The following PACRG variants were observed in gnomAD, a reference collection of about 807,000 sequenced individuals.
PACRG encodes the protein parkin coregulated gene protein.
In PACRG, 29 loss-of-function variants were observed where a neutral mutation model predicts 29.7. That is an observed-to-expected ratio of 0.98 (90% CI 0.73 to 1.33). The LOEUF is 1.33. PACRG is among the 40% of genes most tolerant of loss of function. PACRG has a pLI of 0.00. For synonymous variants in PACRG, 116 were observed against 118.7 expected (o/e 0.98, Z 0.15); for missense variants, 279 against 316.2 (o/e 0.88, Z 0.89).
At chr6:162,902,000 A>T (rs2128059286) in intron 2 of PACRG, among the ~76,000 whole-genome samples, 1 of 152,326 alleles carries the variant, frequency 6.6e-6, no homozygotes, top group Admixed American at 6.5e-5. Flanking sequence ...GCCTGATGGG[A>T]ATGTGGCCTG....
intron 4 of PACRG, among the ~76,000 whole-genome samples, chr6:163,106,839 A>C (rs928553837): frequency 3.3e-5 from 5 of 152,222 alleles, no homozygotes; most frequent in African/African-American, 1.2e-4. Flanking sequence ...CATCAGCAGG[A>C]CTTAACTTGA....
chr6:162,877,937 T>G (rs1160359405), intron 2 of PACRG, among the ~76,000 whole-genome samples: 1 of 152,220 alleles, frequency 6.6e-6, no homozygotes. Context: ...ACGGTCACCA[T>G]GGTAACTAAG....
chr6:162,878,520 G>A (rs1793563684), intron 2 of PACRG, among the ~76,000 whole-genome samples: 1 of 152,162 alleles, frequency 6.6e-6, no homozygotes. Flanking sequence ...GCCTATCTCT[G>A]TGTATAATGA....
At chr6:162,978,954 A>C (rs1802183976) in intron 2 of PACRG, among the ~76,000 whole-genome samples, 1 of 152,100 alleles carries the variant, frequency 6.6e-6, no homozygotes, top group Admixed American at 6.6e-5. Context: ...CAAATCCATA[A>C]ATTGCATAGA....
At chr6:163,288,342 G>A (rs992670700) in intron 4 of PACRG, among the ~76,000 whole-genome samples, 3 of 152,126 alleles carry the variant, frequency 2.0e-5, no homozygotes, top group Non-Finnish European at 4.4e-5. Context: ...AAAGGTAGAC[G>A]TCACAGTGGC....
At chr6:163,290,863 G>A (rs996011243) in intron 4 of PACRG, among the ~76,000 whole-genome samples, 1 of 152,202 alleles carries the variant, frequency 6.6e-6, no homozygotes, top group Non-Finnish European at 1.5e-5. Context: ...TCCGGGTCAG[G>A]GAGAGGAAGG....
At chr6:162,830,952 C>T (rs1475461461) in intron 2 of PACRG, among the ~76,000 whole-genome samples, 1 of 152,216 alleles carries the variant, frequency 6.6e-6, no homozygotes, top group Non-Finnish European at 1.5e-5. Context: ...CGTTGAGCAT[C>T]TTTGTTACTG....
intron 2 of PACRG, among the ~76,000 whole-genome samples, chr6:162,983,942 A>G (rs572508457): frequency 1.3e-5 from 2 of 152,138 alleles, no homozygotes; most frequent in South Asian, 2.1e-4. Flanking sequence ...AGGAATACCA[A>G]TTATTCTTAG....
chr6:162,968,781 G>C (rs192741029), intron 2 of PACRG, among the ~76,000 whole-genome samples: 3 of 152,146 alleles, frequency 2.0e-5, no homozygotes, highest in South Asian at 2.1e-4. Flanking sequence ...GGGCGCGGTG[G>C]GTCACGCCTG....
intron 4 of PACRG, among the ~76,000 whole-genome samples, chr6:163,206,201 T>A (rs764519898): frequency 5.3e-5 from 8 of 152,126 alleles, no homozygotes; most frequent in Non-Finnish European, 1.2e-4. Context: ...CCCAGCAATC[T>A]CCTTATTGGG....
At chr6:162,731,940 C>A (rs1006306586) in intron 1 of PACRG, among the ~76,000 whole-genome samples, 1 of 152,048 alleles carries the variant, frequency 6.6e-6, no homozygotes, top group Non-Finnish European at 1.5e-5. Context: ...GAGGCAGGTG[C>A]AGGGGCATAG....
At chr6:163,054,244 G>A (rs1585102957) in intron 2 of PACRG, 1 of 152,134 alleles carries the variant, frequency 6.6e-6, no homozygotes, top group East Asian at 1.9e-4. Context: ...ATAATGGTGG[G>A]GCCTTAACCC....
At chr6:163,301,425 C>T (rs6903721) in intron 4 of PACRG, among the ~76,000 whole-genome samples, 14,481 of 152,226 alleles carry the variant, frequency 0.095, 853 homozygotes, top group Middle Eastern at 0.18. Flanking sequence ...TAAAGTCCTA[C>T]GACCAAGTAT....
intron 2 of PACRG, among the ~76,000 whole-genome samples, chr6:162,982,217 A>G (rs1415188409): frequency 6.6e-6 from 1 of 151,774 alleles, no homozygotes; most frequent in African/African-American, 2.4e-5. Context: ...TGAATTGTCT[A>G]TCAGTTTTGT....
chr6:163,064,768 T>A (rs1309905006), intron 3 of PACRG, among the ~76,000 whole-genome samples: 1 of 152,092 alleles, frequency 6.6e-6, no homozygotes, highest in African/African-American at 2.4e-5. Context: ...TTTCACACCA[T>A]ACCCAGTATA....
intron 1 of PACRG, among the ~76,000 whole-genome samples, chr6:162,782,438 G>T (rs1042662427): frequency 1.3e-5 from 2 of 151,798 alleles, no homozygotes; most frequent in Non-Finnish European, 3.0e-5. Context: ...ATTTAAATGA[G>T]ACATAAATAA....
In PACRG at chr6:162,907,724, C is replaced by T. The variant is rs181912177; in HGVS notation, c.291+93443C>T. Among the ~76,000 whole-genome samples, 288 of 152,080 alleles carry T rather than the reference C, an allele frequency of 1.9e-3. 1 individual carries two copies. Among genetic ancestry groups the T allele is most frequent in the African/African-American group, 6.7e-3 (278 of 41,510 alleles). ...TATATATATTATTTCTTAAAAAATG[C>T]GTTTACACTTGAAATAGACTCATAA... On this transcript the variant is annotated intron_variant, in intron 2 of 4. Transcript: ENST00000366888.
chr6:162,727,853 A>G, upstream of PACRG: 2 of 622,214 alleles, frequency 3.2e-6, no homozygotes, highest in Non-Finnish European at 5.5e-6. Flanking sequence ...CGTAGTTCTA[A>G]CGCGTAGTTT....
At chr6:162,979,998 T>A (rs950799182) in intron 2 of PACRG, among the ~76,000 whole-genome samples, 5 of 150,380 alleles carry the variant, frequency 3.3e-5, no homozygotes, top group African/African-American at 1.3e-4. Flanking sequence ...ACTGCAAAAA[T>A]TTATATTTAG....
Sources: allele counts gnomAD v4.1 joint callset (sites outside exome capture counted in the v4.1 genomes callset), GRCh38; gene constraint gnomAD v4.1.1; transcripts MANE v1.5; gene names NCBI Gene and HGNC (gene_info 2026-07-23, HGNC 2026-07-21).